The following RASGEF1C variants were observed in gnomAD, a reference collection of about 807,000 sequenced individuals.
The protein encoded by RASGEF1C is ras-GEF domain-containing family member 1C.
Under a neutral mutation model 58.1 loss-of-function variants are expected in RASGEF1C, and 27 were observed. The ratio of observed to expected loss-of-function variants is 0.46; its 90% CI spans 0.34 to 0.64. The LOEUF (loss-of-function observed/expected upper bound fraction) is 0.64, where lower values mean the gene tolerates loss of function less well. RASGEF1C is among the 30% of genes least tolerant of loss of function. The pLI, the probability that RASGEF1C is intolerant of heterozygous loss-of-function variation, is 0.01. For synonymous variants in RASGEF1C, 243 were observed against 246.3 expected, an observed-to-expected ratio of 0.99 and a Z score of 0.13; for missense variants, 502 against 605.1, an observed-to-expected ratio of 0.83 and a Z score of 1.79.
intron 1 of RASGEF1C, among the ~76,000 whole-genome samples, chr5:180,163,668 C>A (rs964183740): frequency 2.6e-5 from 4 of 152,054 alleles, no homozygotes; most frequent in African/African-American, 9.7e-5. Context: ...AATCTATAAC[C>A]TATATATACT....
At chr5:180,188,831 C>T (rs1029397585) in intron 1 of RASGEF1C, among the ~76,000 whole-genome samples, 4 of 152,148 alleles carry the variant, frequency 2.6e-5, no homozygotes, top group Admixed American at 2.6e-4. Context: ...TTCCTCCTTC[C>T]CTCCCCTCTA....
At chr5:180,175,426 CTCA>C (rs1466103471) in intron 1 of RASGEF1C, among the ~76,000 whole-genome samples, 3 of 152,194 alleles carry the variant, frequency 2.0e-5, no homozygotes, top group Non-Finnish European at 4.4e-5. Context: ...GAGAAGGAGT[CTCA>C]GATTTGGGGC....
At chr5:180,183,800 A>G (rs1451548042) in intron 1 of RASGEF1C, among the ~76,000 whole-genome samples, 2 of 149,046 alleles carry the variant, frequency 1.3e-5, no homozygotes, top group Non-Finnish European at 3.0e-5. Context: ...CCAGCCTGGG[A>G]AACAAGAGCA....
At chr5:180,142,867 A>G (rs1766603049) in intron 1 of RASGEF1C, among the ~76,000 whole-genome samples, 1 of 152,016 alleles carries the variant, frequency 6.6e-6, no homozygotes, top group Admixed American at 6.5e-5. Flanking sequence ...AACTGATTCC[A>G]GGCCTGGAAT....
intron 1 of RASGEF1C, among the ~76,000 whole-genome samples, chr5:180,146,465 T>C (rs1766662433): frequency 6.6e-6 from 1 of 152,214 alleles, no homozygotes; most frequent in African/African-American, 2.4e-5. Flanking sequence ...ATGTGACTTT[T>C]ATTATGTTGA....
At chr5:180,179,418 G>A (rs139266359) in intron 1 of RASGEF1C, among the ~76,000 whole-genome samples, 2 of 152,092 alleles carry the variant, frequency 1.3e-5, no homozygotes, top group African/African-American at 4.8e-5. Context: ...TGGGCCAGTG[G>A]TGCACAGGGA....
chr5:180,142,144 G>A (rs954924561), intron 1 of RASGEF1C, among the ~76,000 whole-genome samples: 2 of 152,116 alleles, frequency 1.3e-5, no homozygotes, highest in Non-Finnish European at 2.9e-5. Context: ...CATGGATGGG[G>A]AACGTTCTGC....
At chr5:180,119,708 G>C (rs939173244) in intron 7 of RASGEF1C, among the ~76,000 whole-genome samples, 5 of 152,182 alleles carry the variant, frequency 3.3e-5, no homozygotes, top group Non-Finnish European at 7.4e-5. Context: ...CTTCAGGAGA[G>C]GCTCCATGGC....
rs189075674 is a variant in RASGEF1C at position 180,149,700 on chromosome 5, C to T, written c.-6-11642G>A. ...CCATCTCTTGACCTCTCGATCCACCCGCCTCGGCCTCCCAAAGTGCTGGGA... is the reference window on the plus strand; with the variant it reads ...CCATCTCTTGACCTCTCGATCCACCTGCCTCGGCCTCCCAAAGTGCTGGGA... On this transcript the variant is annotated intron_variant, in intron 1 of 13. Transcript: ENST00000361132. Among the ~76,000 whole-genome samples, 1,010 of 152,174 alleles carry T rather than the reference C, an allele frequency of 6.6e-3. 12 individuals are homozygous for T. The highest frequency in any genetic ancestry group is 0.023 in the African/African-American group (965 of 41,498).
chr5:180,132,719 C>T (rs1285743638), intron 4 of RASGEF1C, among the ~76,000 whole-genome samples: 1 of 152,162 alleles, frequency 6.6e-6, no homozygotes, highest in Non-Finnish European at 1.5e-5. Context: ...GCCTGTAATC[C>T]CAGCACTTTG....
chr5:180,185,707 C>T (rs1581125892), intron 1 of RASGEF1C, among the ~76,000 whole-genome samples: 1 of 152,162 alleles, frequency 6.6e-6, no homozygotes, highest in Non-Finnish European at 1.5e-5. Flanking sequence ...AAAAATTATT[C>T]GAATGATACA....
At position 180,168,656 on chromosome 5, in the gene RASGEF1C, A is replaced by G. The variant is rs1450954389; in HGVS notation, c.-6-30598T>C. Among the ~76,000 whole-genome samples, 2 of 152,128 alleles carry G rather than the reference A, an allele frequency of 1.3e-5. No homozygotes were observed. Among genetic ancestry groups the G allele is most frequent in the Non-Finnish European group, 2.9e-5 (2 of 68,026 alleles). ...AGAGTGAAAGAGAAGCCGGGAGTTC[A>G]TCTTCCTTGAGGCAACAGCTCCTCC... On this transcript the variant is annotated intron_variant, in intron 1 of 13. Transcript: ENST00000361132. This position sits in a 1 kb window ranked among gnomAD's most constrained non-coding sequence, Gnocchi z 6.0.
chr5:180,190,508 ATAAT>A (rs528373134), intron 1 of RASGEF1C, among the ~76,000 whole-genome samples: 13,290 of 95,902 alleles, frequency 0.14, 1,108 homozygotes, highest in Admixed American at 0.17. Context: ...AAAAAAAAAA[ATAAT>A]AATAATAATA....
At chr5:180,152,510 C>A (rs1269543634) in intron 1 of RASGEF1C, among the ~76,000 whole-genome samples, 1 of 133,662 alleles carries the variant, frequency 7.5e-6, no homozygotes, top group Non-Finnish European at 1.5e-5. Context: ...GGGAATTGAA[C>A]AATGAGAACA....
Position 180,154,772 on chromosome 5 carries a change from A to G in RASGEF1C, c.-6-16714T>C, listed in dbSNP as rs369373085. Among the ~76,000 whole-genome samples, 34 of 152,074 alleles carry G rather than the reference A, an allele frequency of 2.2e-4. No homozygotes were observed. In the East Asian group the frequency reaches 4.3e-3, roughly 19 times the overall value. On this transcript the variant is annotated intron_variant, in intron 1 of 13. Coordinates refer to ENST00000361132, the MANE Select transcript of RASGEF1C (RefSeq NM_175062.4). ...TTTTTTTTGTATTTTTAGTAGAGAC[A>G]GGGTTTCACTGTGTTAGCCAGGATG...
intron 4 of RASGEF1C, among the ~76,000 whole-genome samples, chr5:180,136,080 G>A (rs1440616933): frequency 3.0e-4 from 46 of 152,186 alleles, no homozygotes; most frequent in Admixed American, 2.9e-3. Context: ...TGCCAGCCCC[G>A]CCTAGTAGGT....
At chr5:180,149,068 TTTTTC>T (rs1358328796) in intron 1 of RASGEF1C, among the ~76,000 whole-genome samples, 9 of 148,736 alleles carry the variant, frequency 6.1e-5, no homozygotes, top group Admixed American at 1.4e-4. Flanking sequence ...TCTTTTCTAC[TTTTTC>T]TTTTCTTTTT....
chr5:180,203,436 G>C (rs1756430079), intron 1 of RASGEF1C, among the ~76,000 whole-genome samples: 1 of 152,204 alleles, frequency 6.6e-6, no homozygotes, highest in African/African-American at 2.4e-5. Flanking sequence ...TTGGCCTCCA[G>C]CCAACATCCA....
intron 12 of RASGEF1C, among the ~76,000 whole-genome samples, chr5:180,105,561 C>CAAAA (rs139192683): frequency 8.5e-6 from 1 of 117,956 alleles, no homozygotes. Flanking sequence ...GACTCTGTCT[C>CAAAA]AAAAAAAAAA....
Sources: allele counts gnomAD v4.1 joint callset (sites outside exome capture counted in the v4.1 genomes callset), GRCh38; gene constraint gnomAD v4.1.1; non-coding constraint Gnocchi (gnomAD v3.1); transcripts MANE v1.5; gene names NCBI Gene and HGNC (gene_info 2026-07-23, HGNC 2026-07-21).